SPINK8: variants seen among roughly 807,000 people sequenced by gnomAD.
The protein encoded by SPINK8 is serine peptidase inhibitor Kazal type 8 (putative).
In SPINK8, 12 loss-of-function variants were observed where a neutral mutation model predicts 14.4. The ratio of observed to expected loss-of-function variants is 0.83; its 90% confidence interval spans 0.53 to 1.35. The LOEUF is 1.35. Among genes scored for constraint, SPINK8 ranks in the 40% most tolerant of loss-of-function variants. The pLI is 0.00. For missense variants in SPINK8, 103 were observed against 117.0 expected, an observed-to-expected ratio of 0.88 and a Z score of 0.55; for synonymous variants, 32 against 37.6, an observed-to-expected ratio of 0.85 and a Z score of 0.55.
At chr3:48,307,962 T>TC in intron 7 of SPINK8, among the ~76,000 whole-genome samples, 1 of 61,668 alleles carries the variant, frequency 1.6e-5, no homozygotes, top group Non-Finnish European at 4.5e-5. Flanking sequence ...GTCTGCATTC[T>TC]TTTTTTTTTT....
intron 6 of SPINK8, among the ~76,000 whole-genome samples, chr3:48,315,011 G>A (rs2035967663): frequency 6.6e-6 from 1 of 152,210 alleles, no homozygotes; most frequent in Non-Finnish European, 1.5e-5. Context: ...ACATGCCTCA[G>A]TGCACACACA....
At chr3:48,332,888 A>C (rs2036284245) in intron 1 of SPINK8, among the ~76,000 whole-genome samples, 1 of 151,892 alleles carries the variant, frequency 6.6e-6, no homozygotes, top group African/African-American at 2.4e-5. Flanking sequence ...GAGAGGGAAA[A>C]AGGTACACAC....
chr3:48,319,866 G>A (rs530798536), intron 5 of SPINK8, among the ~76,000 whole-genome samples: 2 of 152,122 alleles, frequency 1.3e-5, no homozygotes, highest in East Asian at 1.9e-4. Context: ...AATACCGGCC[G>A]GGCGCGGTGG....
intron 4 of SPINK8, among the ~76,000 whole-genome samples, chr3:48,326,411 C>A (rs1316020572): frequency 1.3e-5 from 2 of 152,090 alleles, no homozygotes; most frequent in African/African-American, 2.4e-5. Flanking sequence ...AGTTCAAGAC[C>A]AGCCTGACCA....
chr3:48,328,187 G>T, intron 4 of SPINK8, 88 bp downstream of exon 4: 3 of 1,050,396 alleles, frequency 2.9e-6, no homozygotes, highest in South Asian at 3.1e-5. Flanking sequence ...AAATAAAACT[G>T]AACAGCACTT....
intron 4 of SPINK8, among the ~76,000 whole-genome samples, chr3:48,321,700 GC>G (rs2036078139): frequency 6.6e-6 from 1 of 151,214 alleles, no homozygotes; most frequent in Non-Finnish European, 1.5e-5. Context: ...TGTAGTCCCA[GC>G]TACTTGGGAT....
In SPINK8 at chr3:48,315,999, A is replaced by G. The variant is rs1050986803; in HGVS notation, c.239+3498T>C. Among the ~76,000 whole-genome samples, 6 of 152,278 alleles carry G rather than the reference A, an allele frequency of 3.9e-5. No individual in the cohort carries two copies. The South Asian group carries it at 1.2e-3, about 32-fold the overall frequency. On this transcript the variant is annotated intron_variant, in intron 6 of 7. Coordinates refer to ENST00000434006, the MANE Select transcript of SPINK8 (RefSeq NM_001080525.3). ...ATGAATAGTAACCAGTTTGAGGAAAAGAAAGAAAAATAATTATGAAGAAAA... is the reference window on the plus strand; with the variant it reads ...ATGAATAGTAACCAGTTTGAGGAAAGGAAAGAAAAATAATTATGAAGAAAA...
At chr3:48,308,141 T>C (rs1302870809) in intron 7 of SPINK8, among the ~76,000 whole-genome samples, 2 of 151,134 alleles carry the variant, frequency 1.3e-5, no homozygotes, top group Non-Finnish European at 3.0e-5. Flanking sequence ...GACTGGCTAA[T>C]TTTTTTTGTA....
chr3:48,326,908 C>CA (rs11383648), intron 4 of SPINK8, among the ~76,000 whole-genome samples: 5,634 of 128,948 alleles, frequency 0.044, 160 homozygotes, highest in East Asian at 0.13. Flanking sequence ...GACTCTGTCT[C>CA]AAAAAAAAAA....
intron 4 of SPINK8, among the ~76,000 whole-genome samples, chr3:48,327,157 A>G (rs1182711503): frequency 6.6e-6 from 1 of 152,240 alleles, no homozygotes; most frequent in Non-Finnish European, 1.5e-5. Flanking sequence ...TAAGATTTGC[A>G]CTAAAAATGA....
At chr3:48,321,969 T>C (rs2036082231) in intron 4 of SPINK8, among the ~76,000 whole-genome samples, 2 of 152,054 alleles carry the variant, frequency 1.3e-5, no homozygotes, top group Admixed American at 6.5e-5. Context: ...TGCACCACTA[T>C]GACCAACTTA....
chr3:48,328,667 T>A (rs2036178419), intron 3 of SPINK8, among the ~76,000 whole-genome samples: 2 of 152,328 alleles, frequency 1.3e-5, no homozygotes, highest in South Asian at 2.1e-4. Flanking sequence ...CCAGGCATGG[T>A]GGCTCATGCC....
intron 7 of SPINK8, among the ~76,000 whole-genome samples, chr3:48,308,735 T>C (rs1014869678): frequency 6.6e-6 from 1 of 152,242 alleles, no homozygotes. Flanking sequence ...AGTCTTTACT[T>C]TGGCACATAA....
At chr3:48,332,682 A>G (rs2107119430) in intron 1 of SPINK8, among the ~76,000 whole-genome samples, 1 of 152,284 alleles carries the variant, frequency 6.6e-6, no homozygotes, top group Admixed American at 6.5e-5. Flanking sequence ...CCTGACTGAG[A>G]TACCAGAGAT....
chr3:48,321,485 A>G (rs1307338496), intron 4 of SPINK8, among the ~76,000 whole-genome samples: 1 of 151,032 alleles, frequency 6.6e-6, no homozygotes, highest in African/African-American at 2.4e-5. Flanking sequence ...ATAAGTATAT[A>G]TTATAATCAC....
chr3:48,322,331 T>A (rs151144402), intron 4 of SPINK8, among the ~76,000 whole-genome samples: 172 of 151,934 alleles, frequency 1.1e-3, no homozygotes, highest in African/African-American at 4.0e-3. Flanking sequence ...ATCCACTTTC[T>A]GTTTCTTTTT....
At chr3:48,328,398 G>A (rs1056484724) in intron 3 of SPINK8, 44 bp from the exon 4 acceptor site, 19 of 1,433,376 alleles carry the variant, frequency 1.3e-5, no homozygotes, top group Non-Finnish European at 1.6e-5. Context: ...ACATCTATGC[G>A]AAGTACAAGT....
At chr3:48,329,765 T>G (rs1440435390) in intron 2 of SPINK8, among the ~76,000 whole-genome samples, 1 of 152,234 alleles carries the variant, frequency 6.6e-6, no homozygotes, top group East Asian at 1.9e-4. Flanking sequence ...TAGCCTCAAG[T>G]GACCCTCTTG....
At chr3:48,312,406 G>A (rs1163692732) in intron 6 of SPINK8, among the ~76,000 whole-genome samples, 2 of 152,334 alleles carry the variant, frequency 1.3e-5, no homozygotes, top group East Asian at 1.9e-4. Flanking sequence ...ACTTTGGGAG[G>A]CTGAGTCAGG....
Sources: gnomAD v4.1 joint callset for allele counts (sites outside exome capture counted in the v4.1 genomes callset) on GRCh38, gnomAD v4.1.1 for gene constraint, MANE v1.5 for transcripts, NCBI Gene and HGNC (gene_info 2026-07-23, HGNC 2026-07-21) for gene names.